CNTNAP2: variants seen among roughly 807,000 people sequenced by gnomAD.
CNTNAP2 encodes the protein contactin associated protein 2.
A neutral mutation model predicts 155.2 loss-of-function variants in CNTNAP2; 98 were observed. The observed-to-expected ratio is 0.63, with a 90% CI of 0.54 to 0.75. CNTNAP2 has a LOEUF of 0.75. CNTNAP2 is among the 30% of genes least tolerant of loss of function. The pLI is 0.00. For missense variants in CNTNAP2, 1,727 were observed against 1,688.1 expected (o/e 1.02, Z -0.40); for synonymous variants, 651 against 631.2 (o/e 1.03, Z -0.47).
intron 1 of CNTNAP2, among the ~76,000 whole-genome samples, chr7:146,632,703 TG>T (rs1240150224): frequency 1.3e-5 from 2 of 152,040 alleles, no homozygotes; most frequent in Non-Finnish European, 2.9e-5. Flanking sequence ...AGCCTATATT[TG>T]TAGAGGACAT....
chr7:146,622,279 C>CTATCTATCTATCTATA (rs1216256197), intron 1 of CNTNAP2, among the ~76,000 whole-genome samples: 18 of 100,550 alleles, frequency 1.8e-4, no homozygotes, highest in East Asian at 6.2e-4. Context: ...ATCTATCTAT[C>CTATCTATCTATCTATA]TATATATATA....
At chr7:147,390,441 G>C (rs1796693363) in intron 9 of CNTNAP2, among the ~76,000 whole-genome samples, 1 of 152,106 alleles carries the variant, frequency 6.6e-6, no homozygotes, top group African/African-American at 2.4e-5. Context: ...GGGCAGTTCT[G>C]ACTTGATATT....
chr7:147,549,748 C>T lies in CNTNAP2; in HGVS notation c.1778-12390C>T, dbSNP rs148579992. Among the ~76,000 whole-genome samples, 457 of 152,182 alleles carry T rather than the reference C, an allele frequency of 3.0e-3. 3 individuals carry two copies. The highest frequency in any genetic ancestry group is 4.1e-3 in the Non-Finnish European group (282 of 68,004). On this transcript the variant is annotated intron_variant, in intron 11 of 23. Coordinates refer to ENST00000361727, the MANE Select transcript of CNTNAP2 (RefSeq NM_014141.6). ...GTCAAGGGATTTGAAGCAGTGGGCT[C>T]GATGTGTCTGATATAGTAATATGTA...
chr7:146,724,862 C>A (rs1384214134), intron 1 of CNTNAP2, among the ~76,000 whole-genome samples: 3 of 152,112 alleles, frequency 2.0e-5, no homozygotes, highest in African/African-American at 7.2e-5. Context: ...AGCCACCATG[C>A]CTGGCCTAAA....
At chr7:147,075,075 T>C (rs1186721981) in intron 4 of CNTNAP2, among the ~76,000 whole-genome samples, 1 of 152,172 alleles carries the variant, frequency 6.6e-6, no homozygotes, top group Non-Finnish European at 1.5e-5. Flanking sequence ...TTGTTGAATA[T>C]AGGCAAGTTT....
At position 147,467,039 on chromosome 7, in the gene CNTNAP2, A is replaced by G. The variant is rs553363863; in HGVS notation, c.1671-18896A>G. The stretch of plus-strand genomic sequence containing the variant: ...AGCCATTTGTGTCTCCTTATTTTTC[A>G]GAATACTGATTGCAGCATGTTTGAT... On this transcript the variant is annotated intron_variant, in intron 10 of 23. Transcript: ENST00000361727. 5.3e-5 allele frequency among the ~76,000 whole-genome samples: 8 copies of G among 152,366 alleles called. No homozygotes were observed. In the East Asian group the frequency reaches 9.6e-4, roughly 18 times the overall value.
intron 13 of CNTNAP2, among the ~76,000 whole-genome samples, chr7:147,851,287 G>T (rs1335327345): frequency 1.3e-5 from 2 of 152,170 alleles, no homozygotes; most frequent in Non-Finnish European, 2.9e-5. Flanking sequence ...TGCTGGAGAG[G>T]ATGTGGAGAA....
intron 1 of CNTNAP2, among the ~76,000 whole-genome samples, chr7:146,559,149 A>G (rs1798243279): frequency 6.6e-6 from 1 of 152,228 alleles, no homozygotes; most frequent in Non-Finnish European, 1.5e-5. Context: ...TTTCAAAATA[A>G]CTAAGAGAGT....
At chr7:146,939,041 T>G (rs1796988751) in intron 3 of CNTNAP2, among the ~76,000 whole-genome samples, 1 of 152,076 alleles carries the variant, frequency 6.6e-6, no homozygotes, top group African/African-American at 2.4e-5. Context: ...AAATATAATT[T>G]CATAATGTAT....
At chr7:148,106,871 A>G (rs1484433848) in intron 15 of CNTNAP2, among the ~76,000 whole-genome samples, 1 of 152,160 alleles carries the variant, frequency 6.6e-6, no homozygotes, top group Non-Finnish European at 1.5e-5. Context: ...GGGCTTACCC[A>G]GGACAGAAAT....
intron 18 of CNTNAP2, among the ~76,000 whole-genome samples, chr7:148,193,033 AT>A (rs1164438781): frequency 1.3e-5 from 2 of 152,182 alleles, no homozygotes; most frequent in African/African-American, 2.4e-5. Context: ...AAAAATGAAG[AT>A]TTTTTTCCTC....
chr7:146,321,339 G>T (rs10255068), intron 1 of CNTNAP2, among the ~76,000 whole-genome samples: 10,187 of 152,100 alleles, frequency 0.067, 963 homozygotes, highest in African/African-American at 0.21. Context: ...TACTTTTTAG[G>T]GATGGAAAGA....
intron 3 of CNTNAP2, among the ~76,000 whole-genome samples, chr7:147,024,890 CAGGA>C (rs1798874721): frequency 1.3e-5 from 2 of 152,028 alleles, no homozygotes; most frequent in African/African-American, 4.8e-5. Flanking sequence ...ATTGGACTAA[CAGGA>C]AGAGAGTAAG....
At chr7:146,608,863 G>A (rs1386840499) in intron 1 of CNTNAP2, among the ~76,000 whole-genome samples, 1 of 151,906 alleles carries the variant, frequency 6.6e-6, no homozygotes, top group Admixed American at 6.6e-5. Flanking sequence ...GCAACATGTA[G>A]TGTACATACC....
chr7:146,759,716 G>A (rs1802057682), intron 1 of CNTNAP2, among the ~76,000 whole-genome samples: 1 of 143,958 alleles, frequency 6.9e-6, no homozygotes, highest in African/African-American at 2.8e-5. Flanking sequence ...AAAAAAGGTG[G>A]GTGGGGTGGG....
At chr7:147,334,626 T>C (rs1472342407) in intron 9 of CNTNAP2, among the ~76,000 whole-genome samples, 1 of 152,134 alleles carries the variant, frequency 6.6e-6, no homozygotes, top group Non-Finnish European at 1.5e-5. Context: ...ATCAAGAAGG[T>C]AATTCTAGAG....
intron 11 of CNTNAP2, among the ~76,000 whole-genome samples, chr7:147,545,979 C>T (rs1562990272): frequency 6.6e-6 from 1 of 152,162 alleles, no homozygotes; most frequent in Non-Finnish European, 1.5e-5. Flanking sequence ...TTGCCTGCCG[C>T]CATGTAAGAT....
chr7:147,239,681 G>T (rs76831838), intron 8 of CNTNAP2, among the ~76,000 whole-genome samples: 1 of 152,038 alleles, frequency 6.6e-6, no homozygotes, highest in African/African-American at 2.4e-5. Flanking sequence ...ATATTTAAGG[G>T]TTTCATTGCC....
intron 13 of CNTNAP2, among the ~76,000 whole-genome samples, chr7:147,860,603 A>AAG (rs1554442605): frequency 4.0e-5 from 6 of 151,146 alleles, no homozygotes; most frequent in African/African-American, 1.5e-4. Context: ...AAAAAAAAAA[A>AAG]GTGTTTGGCA....
Sources: gnomAD v4.1 joint callset for allele counts (sites outside exome capture counted in the v4.1 genomes callset) on GRCh38, gnomAD v4.1.1 for gene constraint, MANE v1.5 for transcripts, NCBI Gene and HGNC (gene_info 2026-07-23, HGNC 2026-07-21) for gene names.